The following CHRNA7 variants were observed in gnomAD, a reference collection of about 807,000 sequenced individuals.
The protein encoded by CHRNA7 is neuronal acetylcholine receptor subunit alpha-7.
In CHRNA7, 17 loss-of-function variants were observed where a neutral mutation model predicts 48.0. The observed-to-expected ratio is 0.35, with a 90% CI of 0.24 to 0.53. The LOEUF is 0.53. Ranked by LOEUF, CHRNA7 falls within the 20% of genes least tolerant of loss-of-function variation. The probability of loss-of-function intolerance (pLI) is 0.92; values close to 1 mark genes in which losing one functional copy is unlikely to be tolerated. For missense variants in CHRNA7, 155 were observed against 577.7 expected (o/e 0.27, Z 7.50); for synonymous variants, 75 against 242.3 (o/e 0.31, Z 6.41).
intron 4 of CHRNA7, among the ~76,000 whole-genome samples, chr15:32,145,360 G>A (rs1207054456): frequency 1.3e-5 from 2 of 152,144 alleles, no homozygotes; most frequent in African/African-American, 2.4e-5. Flanking sequence ...CTCCCAGTCA[G>A]GCTACACGGG....
intron 4 of CHRNA7, among the ~76,000 whole-genome samples, chr15:32,136,297 C>T (rs2051254954): frequency 6.6e-6 from 1 of 152,002 alleles, no homozygotes; most frequent in African/African-American, 2.4e-5. Flanking sequence ...TCGAGACCAG[C>T]CTGGCCAACA....
chr15:32,132,264 G>C (rs563529374), intron 4 of CHRNA7, among the ~76,000 whole-genome samples: 91 of 152,286 alleles, frequency 6.0e-4, no homozygotes, highest in African/African-American at 2.1e-3. Flanking sequence ...GTCTGTACCT[G>C]TTGGGGTTTT....
At chr15:32,052,197 ATTTT>A (rs34316175) in intron 2 of CHRNA7, among the ~76,000 whole-genome samples, 31,557 of 146,562 alleles carry the variant, frequency 0.22, 3,900 homozygotes, top group East Asian at 0.6. Context: ...CTTAAGCATG[ATTTT>A]TTTTTTTTTT....
chr15:32,073,844 G>C (rs570638963), intron 2 of CHRNA7, among the ~76,000 whole-genome samples: 1 of 152,188 alleles, frequency 6.6e-6, no homozygotes, highest in African/African-American at 2.4e-5. Flanking sequence ...AGCAGATGCT[G>C]GCACCATGCT....
intron 2 of CHRNA7, among the ~76,000 whole-genome samples, chr15:32,043,521 C>G (rs913248626): frequency 6.6e-6 from 1 of 151,632 alleles, no homozygotes; most frequent in Non-Finnish European, 1.5e-5. Flanking sequence ...AGTCATATTT[C>G]TTTCTTTTTG....
intron 4 of CHRNA7, among the ~76,000 whole-genome samples, chr15:32,124,794 G>C (rs768651052): frequency 6.6e-6 from 1 of 152,184 alleles, no homozygotes; most frequent in East Asian, 1.9e-4. Context: ...GGGTCATAAA[G>C]GTGGAGTTTC....
At chr15:32,060,068 A>G (rs1407290915) in intron 2 of CHRNA7, among the ~76,000 whole-genome samples, 1 of 152,140 alleles carries the variant, frequency 6.6e-6, no homozygotes, top group African/African-American at 2.4e-5. Flanking sequence ...CAAAACCAAA[A>G]TCAAACTCTA....
chr15:32,115,689 C>T (rs531511032), intron 4 of CHRNA7, among the ~76,000 whole-genome samples: 1 of 152,202 alleles, frequency 6.6e-6, no homozygotes, highest in South Asian at 2.1e-4. Context: ...TTCTCTGTCA[C>T]GTAGAAAAGG....
intron 2 of CHRNA7, among the ~76,000 whole-genome samples, chr15:32,042,753 T>C (rs11071503): frequency 0.6 from 91,829 of 152,076 alleles, 31,845 homozygotes; most frequent in Non-Finnish European, 0.78. Flanking sequence ...CCCCTCTTAG[T>C]TGGGCTCCAA....
chr15:32,064,845 T>A (rs556220026), intron 2 of CHRNA7, among the ~76,000 whole-genome samples: 1 of 152,262 alleles, frequency 6.6e-6, no homozygotes, highest in East Asian at 1.9e-4. Context: ...TATTTCCTCT[T>A]CTGAGAATAA....
chr15:32,130,175 A>G (rs1039527904), intron 4 of CHRNA7, among the ~76,000 whole-genome samples: 2 of 152,016 alleles, frequency 1.3e-5, no homozygotes, highest in African/African-American at 4.8e-5. Context: ...AGTTTCCTAA[A>G]TGCCAATTAA....
chr15:32,116,004 T>C (rs762348631), intron 4 of CHRNA7, among the ~76,000 whole-genome samples: 2 of 152,194 alleles, frequency 1.3e-5, no homozygotes, highest in Admixed American at 1.3e-4. Flanking sequence ...CCCTCTGATA[T>C]TCTGTTATTG....
At chr15:32,043,964 C>G (rs1007885764) in intron 2 of CHRNA7, among the ~76,000 whole-genome samples, 2 of 152,268 alleles carry the variant, frequency 1.3e-5, no homozygotes, top group South Asian at 2.1e-4. Flanking sequence ...AGTTACAGCA[C>G]TTTTATATAC....
chr15:32,152,007 G>GT (rs1190008702), intron 4 of CHRNA7, among the ~76,000 whole-genome samples: 3 of 152,144 alleles, frequency 2.0e-5, no homozygotes, highest in South Asian at 2.1e-4. Context: ...GGCTGCCTGT[G>GT]TTTTTTTGAG....
chr15:32,108,099 G>A (rs117073457), intron 3 of CHRNA7, among the ~76,000 whole-genome samples: 4 of 143,430 alleles, frequency 2.8e-5, no homozygotes, highest in East Asian at 4.0e-4. Flanking sequence ...CCCCTCCTCC[G>A]CCCTCCCTCA....
In CHRNA7 at chr15:32,074,948, C is replaced by T. The variant is rs192920304; in HGVS notation, c.196-26355C>T. Reference sequence around the variant, plus strand: ...ACAGGCATGTGCCACCGCGGCTGGCCAGAATCACATTATTTGATATGAATT... The same window carrying T: ...ACAGGCATGTGCCACCGCGGCTGGCTAGAATCACATTATTTGATATGAATT... On this transcript the variant is annotated intron_variant, in intron 2 of 9. Transcript: ENST00000306901. Among the ~76,000 whole-genome samples the T allele has an allele frequency of 3.6e-3, 543 of 152,220 alleles. 3 individuals are homozygous for T. The highest frequency in any genetic ancestry group is 0.012 in the African/African-American group (508 of 41,530).
intron 2 of CHRNA7, among the ~76,000 whole-genome samples, chr15:32,039,741 T>TA (rs71113438): frequency 0.6 from 91,643 of 151,938 alleles, 31,746 homozygotes; most frequent in Non-Finnish European, 0.78. Flanking sequence ...GATAAAATAG[T>TA]CTATAGATGT....
chr15:32,059,377 A>G (rs1181681521), intron 2 of CHRNA7, among the ~76,000 whole-genome samples: 2 of 152,148 alleles, frequency 1.3e-5, no homozygotes. Context: ...TTTTATTTTC[A>G]GTTTGAACTA....
intron 2 of CHRNA7, among the ~76,000 whole-genome samples, chr15:32,084,786 C>T (rs1286591100): frequency 3.3e-5 from 5 of 151,460 alleles, no homozygotes; most frequent in Admixed American, 6.6e-5. Context: ...CTGGCGCTGC[C>T]TGCACGGCCT....
Sources: gnomAD v4.1 joint callset for allele counts (sites outside exome capture counted in the v4.1 genomes callset) on GRCh38, gnomAD v4.1.1 for gene constraint, MANE v1.5 for transcripts, NCBI Gene and HGNC (gene_info 2026-07-23, HGNC 2026-07-21) for gene names.